Variants in JCAD observed in about 807,000 individuals in gnomAD.
The protein encoded by JCAD is junctional cadherin 5-associated protein.
Under a neutral mutation model 98.0 loss-of-function variants are expected in JCAD, and 40 were observed. The observed-to-expected ratio is 0.41, with a 90% CI of 0.32 to 0.53. JCAD has a LOEUF of 0.53. Ranked by LOEUF, JCAD falls within the 20% of genes least tolerant of loss-of-function variation. The pLI, the probability that JCAD is intolerant of heterozygous loss-of-function variation, is 0.31. For synonymous variants in JCAD, 691 were observed against 682.3 expected (o/e 1.01, Z -0.20); for missense variants, 1,705 against 1,738.1 (o/e 0.98, Z 0.34).
At chr10:30,051,307 C>CACACA (rs942139423) in intron 1 of JCAD, among the ~76,000 whole-genome samples, 60 of 151,568 alleles carry the variant, frequency 4.0e-4, no homozygotes, top group African/African-American at 1.2e-3. Context: ...CACACACACA[C>CACACA]AAGAGTTGAT....
intron 1 of JCAD, among the ~76,000 whole-genome samples, chr10:30,049,438 C>T (rs563512069): frequency 6.6e-6 from 1 of 152,296 alleles, no homozygotes; most frequent in East Asian, 1.9e-4. Context: ...GCTTGCCTGT[C>T]CTCACTCTTC....
intron 1 of JCAD, among the ~76,000 whole-genome samples, chr10:30,091,277 C>T (rs887941795): frequency 2.6e-5 from 4 of 152,108 alleles, no homozygotes; most frequent in Non-Finnish European, 5.9e-5. Flanking sequence ...TTGTCAAAAA[C>T]AAGGCTGAGA....
In JCAD at chr10:30,026,231, C is replaced by T. The variant is rs1319434160; in HGVS notation, c.3917G>A (p.Gly1306Asp). 2 of 1,614,044 alleles carry T rather than the reference C, an allele frequency of 1.2e-6. No homozygotes were observed. Among genetic ancestry groups the T allele is most frequent in the Admixed American group, 1.7e-5 (1 of 60,034 alleles). Residue 1306 changes from glycine (G) to aspartate (D), a missense_variant, in exon 3 of 4, where the codon GGC becomes GAC. Coordinates refer to ENST00000375377, the MANE Select transcript of JCAD (RefSeq NM_020848.4). ...AGLPGGLVSP[G>D]SGDRAQRLGH... is the part of the protein sequence containing the mutation. Reference sequence around the variant, plus strand: ...CAATCTCTGGGCACGGTCCCCACTGCCAGGAGACACAAGGCCTCCCGGGAG... The same window carrying T: ...CAATCTCTGGGCACGGTCCCCACTGTCAGGAGACACAAGGCCTCCCGGGAG...
At position 30,028,348 on chromosome 10, in the gene JCAD, G is replaced by A. The variant is rs754582507; in HGVS notation, c.1800C>T (p.Asn600=). The change falls in exon 3 of 4, where the codon AAC becomes AAT. Residue 600 remains asparagine (N), a synonymous_variant. Coordinates refer to ENST00000375377, the MANE Select transcript of JCAD (RefSeq NM_020848.4). ...GATCAGCACTGGGCTTTAAGTCATT[G>A]TTGTCCATATCTCTATCTGGCAGAT... ...ESHLPDRDMD[N]NDLKPSADQK... 8.1e-6 allele frequency: 13 copies of A among 1,614,058 alleles called. 1 individual carries two copies. In the South Asian group the frequency reaches 1.4e-4, roughly 18 times the overall value.
intron 1 of JCAD, among the ~76,000 whole-genome samples, chr10:30,080,442 TG>T (rs1464157313): frequency 1.3e-5 from 2 of 152,226 alleles, no homozygotes; most frequent in Non-Finnish European, 2.9e-5. Context: ...CCTGCAATTT[TG>T]GCAATAGTCT....
chr10:30,027,167 G>C lies in JCAD; in HGVS notation c.2981C>G (p.Ala994Gly). Reference protein sequence around the residue: ...DAKPLPASYPAEPREPQESPK... With the variant: ...DAKPLPASYPGEPREPQESPK... ...ACTTTCCTGGGGCTCCCTAGGTTCA[G>C]CTGGATAGGACGCGGGCAGTGGTTT... The change falls in exon 3 of 4, where the codon GCT becomes GGT. Residue 994 changes from alanine (A) to glycine (G), a missense_variant. This residue lies in a region of JCAD where 1,278 missense variants were observed against 1,243.1 expected (regional missense o/e 1.03). Coordinates refer to ENST00000375377, the MANE Select transcript of JCAD (RefSeq NM_020848.4). 6.2e-7 allele frequency: 1 copy of C among 1,614,134 alleles called. No individual in the cohort carries two copies. The highest frequency in any genetic ancestry group is 8.5e-7 in the Non-Finnish European group (1 of 1,179,978).
intron 1 of JCAD, among the ~76,000 whole-genome samples, chr10:30,054,855 G>C (rs12266618): frequency 0.026 from 3,901 of 151,958 alleles, 160 homozygotes; most frequent in African/African-American, 0.09. Context: ...ATTTTTAGTA[G>C]AGACAGGGTT....
chr10:30,023,147 C>G (rs1836702730), intron 3 of JCAD, among the ~76,000 whole-genome samples: 1 of 152,098 alleles, frequency 6.6e-6, no homozygotes, highest in South Asian at 2.1e-4. Context: ...AAGCAATTCT[C>G]CTGCCTCAGC....
At chr10:30,043,338 A>T (rs1055760529) in intron 2 of JCAD, among the ~76,000 whole-genome samples, 1 of 152,196 alleles carries the variant, frequency 6.6e-6, no homozygotes, top group African/African-American at 2.4e-5. Flanking sequence ...AGAAAAAAAA[A>T]AGTAAAAAAA....
intron 1 of JCAD, among the ~76,000 whole-genome samples, chr10:30,097,170 G>T (rs1157175657): frequency 6.6e-6 from 1 of 152,118 alleles, no homozygotes; most frequent in African/African-American, 2.4e-5. Context: ...GGTGGGCACT[G>T]GCCACGTGCA....
In JCAD at chr10:30,059,322, G is replaced by A. The variant is rs1393323142; in HGVS notation, c.-60+160C>T. ...GGCCCAGGCGGGGCTGCGACTGGGG[G>A]TGCAGACATCCCCCACCGCCAGGGT... On this transcript the variant is annotated intron_variant, in intron 1 of 3. Coordinates refer to ENST00000375377, the MANE Select transcript of JCAD (RefSeq NM_020848.4). The surrounding 1 kb of genome is among the most constrained non-coding windows in gnomAD (Gnocchi z 5.0). Among the ~76,000 whole-genome samples the A allele has an allele frequency of 1.3e-5, 2 of 151,244 alleles. No individual in the cohort carries two copies. The highest frequency in any genetic ancestry group is 4.8e-5 in the African/African-American group (2 of 41,350).
intron 1 of JCAD, among the ~76,000 whole-genome samples, chr10:30,051,307 C>CACACAA (rs942139423): frequency 1.3e-5 from 2 of 151,450 alleles, no homozygotes; most frequent in African/African-American, 2.4e-5. Flanking sequence ...CACACACACA[C>CACACAA]AAGAGTTGAT....
At chr10:30,019,501 A>G (rs898689522) in intron 3 of JCAD, among the ~76,000 whole-genome samples, 3 of 152,082 alleles carry the variant, frequency 2.0e-5, no homozygotes, top group African/African-American at 7.2e-5. Context: ...CAAAAAAGCC[A>G]GACACAGAAA....
chr10:30,063,954 G>A (rs371844320), upstream of JCAD, among the ~76,000 whole-genome samples: 134 of 152,212 alleles, frequency 8.8e-4, 4 homozygotes, highest in South Asian at 0.028. Flanking sequence ...TTATAGGCAA[G>A]TGCCATCGCA....
At chr10:30,071,009 A>G in intron 1 of JCAD, among the ~76,000 whole-genome samples, 1 of 152,196 alleles carries the variant, frequency 6.6e-6, no homozygotes, top group East Asian at 1.9e-4. Context: ...GAGTTCAAGC[A>G]ATTATCCTGC....
At position 30,094,836 on chromosome 10, in the gene JCAD, C is replaced by T. The variant is rs538694467; in HGVS notation, n.128+20531G>A. On this transcript the variant is annotated intron_variant and non_coding_transcript_variant, in intron 1 of 2. Transcript: ENST00000465712. ...CCACCTCCTCCCGAATATCTGTCTC[C>T]CTGATCTCGCTGAGATGTGGAGTCA... 8.5e-5 allele frequency among the ~76,000 whole-genome samples: 13 copies of T among 152,314 alleles called. No individual in the cohort carries two copies. In the South Asian group the frequency reaches 2.5e-3, roughly 29 times the overall value.
rs537730792 is a variant in JCAD at position 30,041,251 on chromosome 10, G to C, written c.281+6281C>G. ...AAGACAGTGAGGGAAGAGGCGGCCT[G>C]TGTCTTCCTGGTGTTCATGAGCATG... On this transcript the variant is annotated intron_variant, in intron 2 of 3. Transcript: ENST00000375377. 8.5e-5 allele frequency among the ~76,000 whole-genome samples: 13 copies of C among 152,210 alleles called. No individual in the cohort carries two copies. In the South Asian group the frequency reaches 1.4e-3, roughly 17 times the overall value.
chr10:30,062,622 A>G (rs1271180012), upstream of JCAD, among the ~76,000 whole-genome samples: 1 of 152,244 alleles, frequency 6.6e-6, no homozygotes, highest in Non-Finnish European at 1.5e-5. Flanking sequence ...TCACAGCTGC[A>G]CATGGCTGGG....
intron 1 of JCAD, among the ~76,000 whole-genome samples, chr10:30,085,097 G>C (rs541752447): frequency 7.2e-5 from 11 of 152,220 alleles, no homozygotes; most frequent in African/African-American, 2.6e-4. Context: ...TTTTCTTCCA[G>C]TTATATAACC....
Sources: allele counts gnomAD v4.1 joint callset (sites outside exome capture counted in the v4.1 genomes callset), GRCh38; gene constraint gnomAD v4.1.1; regional missense constraint gnomAD v4.1.1; non-coding constraint Gnocchi (gnomAD v3.1); transcripts MANE v1.5; gene names NCBI Gene and HGNC (gene_info 2026-07-23, HGNC 2026-07-21).